FBXO4: variants seen among roughly 807,000 people sequenced by gnomAD.
FBXO4 encodes F-box only protein 4.
FBXO4 carries 36 observed loss-of-function variants against 43.7 expected under a neutral mutation model. That is an observed-to-expected ratio of 0.82 (90% CI 0.63 to 1.09). The LOEUF is 1.09. FBXO4 is among the 50% of genes least tolerant of loss of function. The pLI, the probability that FBXO4 is intolerant of heterozygous loss-of-function variation, is 0.00. For synonymous variants in FBXO4, 180 were observed against 165.6 expected (o/e 1.09, Z -0.67); for missense variants, 435 against 474.1 (o/e 0.92, Z 0.77).
chr5:42,019,529 A>G, the FBXO4 span, among the ~76,000 whole-genome samples: 1 of 152,058 alleles, frequency 6.6e-6, no homozygotes, highest in African/African-American at 2.4e-5. Flanking sequence ...TCTCTACTAA[A>G]AATACAAAAT....
chr5:41,994,163 C>T, the FBXO4 span, among the ~76,000 whole-genome samples: 7 of 152,186 alleles, frequency 4.6e-5, no homozygotes, highest in Admixed American at 1.3e-4. Flanking sequence ...AACTATCCTT[C>T]GTACAACCAG....
the FBXO4 span, among the ~76,000 whole-genome samples, chr5:41,965,603 A>G: frequency 1.3e-5 from 2 of 152,224 alleles, no homozygotes; most frequent in Non-Finnish European, 2.9e-5. Flanking sequence ...AATGCAAATC[A>G]AAACCACAAT....
the FBXO4 span, among the ~76,000 whole-genome samples, chr5:41,949,273 G>A: frequency 1.3e-5 from 2 of 152,176 alleles, no homozygotes; most frequent in African/African-American, 4.8e-5. Flanking sequence ...AAGTCAAATT[G>A]TCTCTATTTG....
the FBXO4 span, among the ~76,000 whole-genome samples, chr5:42,012,824 T>G: frequency 6.6e-6 from 1 of 152,180 alleles, no homozygotes; most frequent in African/African-American, 2.4e-5. Flanking sequence ...ACAGGTATGA[T>G]TATTGCTCCT....
At chr5:42,016,612 C>A in the FBXO4 span, among the ~76,000 whole-genome samples, 5 of 151,916 alleles carry the variant, frequency 3.3e-5, no homozygotes, top group East Asian at 9.6e-4. Context: ...AAACTATGTT[C>A]TCAGCAACTT....
At chr5:42,001,153 G>T in the FBXO4 span, among the ~76,000 whole-genome samples, 2 of 152,170 alleles carry the variant, frequency 1.3e-5, no homozygotes, top group Admixed American at 1.3e-4. Context: ...TGGCTCTCTA[G>T]ATCAATTTGG....
the FBXO4 span, among the ~76,000 whole-genome samples, chr5:42,000,246 C>G: frequency 0.011 from 1,729 of 152,150 alleles, 35 homozygotes; most frequent in African/African-American, 0.04. Flanking sequence ...TATGTTGATT[C>G]CATATCTTGG....
the FBXO4 span, among the ~76,000 whole-genome samples, chr5:42,027,351 A>G: frequency 2.0e-5 from 3 of 151,808 alleles, no homozygotes; most frequent in African/African-American, 7.2e-5. Context: ...TGCTCATAGT[A>G]GTCTCTACTG....
At chr5:42,017,300 T>G in the FBXO4 span, among the ~76,000 whole-genome samples, 1 of 151,896 alleles carries the variant, frequency 6.6e-6, no homozygotes, top group South Asian at 2.1e-4. Flanking sequence ...AATATTGATA[T>G]CAAACGGAAG....
chr5:41,969,531 TG>T, the FBXO4 span, among the ~76,000 whole-genome samples: 1 of 152,198 alleles, frequency 6.6e-6, no homozygotes, highest in African/African-American at 2.4e-5. Flanking sequence ...CTATAATATT[TG>T]GCTATATCAT....
chr5:42,028,210 T>G, the FBXO4 span, among the ~76,000 whole-genome samples: 2,420 of 151,956 alleles, frequency 0.016, 120 homozygotes, highest in East Asian at 0.1. Context: ...CTCAAGTGTG[T>G]GTGCATATAT....
the FBXO4 span, among the ~76,000 whole-genome samples, chr5:42,006,853 A>G: frequency 1.4e-5 from 2 of 140,268 alleles, no homozygotes; most frequent in African/African-American, 2.7e-5. Context: ...CATTTGCAAA[A>G]TGGAGCTTTG....
At chr5:41,935,771 C>T (rs572119305) in intron 5 of FBXO4, among the ~76,000 whole-genome samples, 40 of 152,336 alleles carry the variant, frequency 2.6e-4, no homozygotes, top group Admixed American at 1.9e-3. Flanking sequence ...CAGACTACTG[C>T]AGGGATGGGG....
the FBXO4 span, among the ~76,000 whole-genome samples, chr5:41,996,030 G>A: frequency 6.6e-6 from 1 of 152,128 alleles, no homozygotes; most frequent in African/African-American, 2.4e-5. Flanking sequence ...TGTGAACCAG[G>A]CCCTAGTCTT....
At chr5:42,011,748 A>G in the FBXO4 span, among the ~76,000 whole-genome samples, 2 of 152,164 alleles carry the variant, frequency 1.3e-5, no homozygotes, top group African/African-American at 4.8e-5. Flanking sequence ...TTCCATTCCT[A>G]TGTAGAGTGT....
At chr5:42,002,618 A>G in the FBXO4 span, among the ~76,000 whole-genome samples, 1 of 152,094 alleles carries the variant, frequency 6.6e-6, no homozygotes, top group Non-Finnish European at 1.5e-5. Flanking sequence ...GATAAGAGAG[A>G]TGTGTCTGTG....
At chr5:42,001,096 T>C in the FBXO4 span, among the ~76,000 whole-genome samples, 2 of 152,244 alleles carry the variant, frequency 1.3e-5, no homozygotes, top group African/African-American at 2.4e-5. Flanking sequence ...GGATTATTTT[T>C]GTGTTTCTGT....
intron 5 of FBXO4, among the ~76,000 whole-genome samples, chr5:41,936,726 A>G (rs1052436250): frequency 6.6e-5 from 10 of 152,206 alleles, no homozygotes; most frequent in Non-Finnish European, 1.5e-4. Flanking sequence ...AATCATTGAA[A>G]GTGAAGTTAA....
downstream of FBXO4, among the ~76,000 whole-genome samples, chr5:41,945,356 A>AG (rs1752062546): frequency 6.6e-6 from 1 of 152,242 alleles, no homozygotes. Context: ...CTAAATGTGG[A>AG]CATTAAAAAT....
Sources: allele counts gnomAD v4.1 joint callset (sites outside exome capture counted in the v4.1 genomes callset), GRCh38; gene constraint gnomAD v4.1.1; transcripts MANE v1.5; gene names NCBI Gene and HGNC (gene_info 2026-07-23, HGNC 2026-07-21).